Variants in SLC5A10 observed in about 807,000 individuals in gnomAD.
The protein encoded by SLC5A10 is solute carrier family 5 member 10, also known as sodium/mannose cotransporter SLC5A10.
Under a neutral mutation model 68.9 loss-of-function variants are expected in SLC5A10, and 55 were observed. The ratio of observed to expected loss-of-function variants is 0.80; its 90% CI spans 0.64 to 1.00. SLC5A10 has a LOEUF of 1.00. Among genes scored for constraint, SLC5A10 ranks in the 50% least tolerant of loss-of-function variants. The pLI, the probability that SLC5A10 is intolerant of heterozygous loss-of-function variation, is 0.00. For synonymous variants in SLC5A10, 344 were observed against 344.8 expected (o/e 1.00, Z 0.02); for missense variants, 732 against 819.3 (o/e 0.89, Z 1.30).
intron 9 of SLC5A10, among the ~76,000 whole-genome samples, chr17:18,984,680 C>T (rs1002459173): frequency 3.3e-5 from 5 of 152,268 alleles, no homozygotes; most frequent in Admixed American, 1.3e-4. Context: ...CTTGTCTGTC[C>T]TAAGCTGGAA....
chr17:18,994,586 G>A (rs1420361602), intron 9 of SLC5A10, among the ~76,000 whole-genome samples: 1 of 152,170 alleles, frequency 6.6e-6, no homozygotes, highest in Non-Finnish European at 1.5e-5. Flanking sequence ...ACCGGAAAGG[G>A]GTGGCTGGAA....
chr17:18,951,194 C>T (rs1042765532), upstream of SLC5A10, among the ~76,000 whole-genome samples: 3 of 152,334 alleles, frequency 2.0e-5, no homozygotes, highest in East Asian at 1.9e-4. Flanking sequence ...TGAGCAGAGG[C>T]GTGAGACTGC....
chr17:18,952,508 G>A lies in SLC5A10; in HGVS notation c.111+192G>A, dbSNP rs2042389255. ...TGACCAAGCCCGTTTCTCTCTTTGGGTAATGGCGTCTCCATCTGCAAAGTG... is the reference window on the plus strand; with the variant it reads ...TGACCAAGCCCGTTTCTCTCTTTGGATAATGGCGTCTCCATCTGCAAAGTG... On this transcript the variant is annotated intron_variant, in intron 1 of 14. Coordinates refer to ENST00000395645, the MANE Select transcript of SLC5A10 (RefSeq NM_001042450.4). The A allele has an allele frequency of 1.3e-5, 8 of 607,348 alleles. No homozygotes were observed. In the East Asian group the frequency reaches 2.5e-4, roughly 19 times the overall value. The allele number at this position is 607,348 out of a possible 1,614,324, so 37.6% of individuals were successfully genotyped here. A position where few individuals can be genotyped will look rare whatever the true frequency, so the allele number is the denominator to read the frequency against.
intron 9 of SLC5A10, among the ~76,000 whole-genome samples, chr17:18,981,521 G>A (rs1467927379): frequency 6.6e-6 from 1 of 152,154 alleles, no homozygotes; most frequent in African/African-American, 2.4e-5. Context: ...TGAATGCTAT[G>A]GGAGAGGAGG....
chr17:18,983,773 C>T (rs2152125056), intron 9 of SLC5A10, among the ~76,000 whole-genome samples: 1 of 152,242 alleles, frequency 6.6e-6, no homozygotes, highest in Admixed American at 6.5e-5. Flanking sequence ...GGTGGTGGGC[C>T]CTTTGTGAAC....
Position 19,015,162 on chromosome 17 carries a change from C to A in SLC5A10, c.1204C>A (p.Pro402Thr), listed in dbSNP as rs757870407. The A allele has an allele frequency of 3.3e-6, 5 of 1,499,002 alleles. No individual in the cohort carries two copies. Among genetic ancestry groups the A allele is most frequent in the African/African-American group, 2.8e-5 (2 of 71,204 alleles). The allele number at this position is 1,499,002 out of a possible 1,614,324, so 92.9% of individuals were successfully genotyped here. A position where few individuals can be genotyped will look rare whatever the true frequency, so the allele number is the denominator to read the frequency against. ...FTMDIWRRLR[P>T]RSGERELLLV... ...TATGGACATCTGGAGGCGGCTGCGT[C>A]CCCGCTCCGGCGAGCGGGAGCTCCT... is the stretch of plus-strand genomic sequence containing the variant. The change falls in exon 11 of 15, where the codon CCC (proline) becomes ACC (threonine). Residue 402 changes from proline to threonine, a missense_variant. Transcript: ENST00000395645.
intron 1 of SLC5A10, among the ~76,000 whole-genome samples, chr17:18,956,118 C>T (rs1025917450): frequency 2.0e-5 from 3 of 151,964 alleles, no homozygotes; most frequent in Non-Finnish European, 4.4e-5. Context: ...CGCTTGAACC[C>T]GGGAGGCAGA....
intron 9 of SLC5A10, chr17:18,977,666 G>A (rs1282918738): frequency 6.2e-7 from 1 of 1,610,354 alleles, no homozygotes; most frequent in South Asian, 1.1e-5. Flanking sequence ...CTGGGCCCAT[G>A]GGGAGCCACC....
rs115210901 is a variant in SLC5A10, at chr17:19,019,603, C to A, written c.1410+12C>A. 1 of 1,609,820 alleles carries A rather than the reference C, an allele frequency of 6.2e-7. No individual in the cohort carries two copies. Among genetic ancestry groups the A allele is most frequent in the East Asian group, 2.2e-5 (1 of 44,864 alleles). The stretch of plus-strand genomic sequence containing the variant: ...GTGCCAACGAGCAGGTGGGCGTCGG[C>A]GGTCTGCTCTCCCTGGGGACGTGCC... On this transcript the variant is annotated intron_variant, in intron 12 of 14. Transcript: ENST00000395645.
intron 9 of SLC5A10, among the ~76,000 whole-genome samples, chr17:19,012,626 G>A (rs1024411309): frequency 1.3e-5 from 2 of 152,226 alleles, no homozygotes; most frequent in Non-Finnish European, 2.9e-5. Flanking sequence ...GTCCTCAGGC[G>A]AGGCCTGGGG....
At position 19,017,236 on chromosome 17, in the gene SLC5A10, C is replaced by T. The variant is rs770202538; in HGVS notation, c.1241+2037C>T. ...CAGCTGGATAGAGCAGAAAGGGCCC[C>T]GTGCCAGGTGTCAGGCTGGCCAGCT... is the stretch of plus-strand genomic sequence containing the variant. On this transcript the variant is annotated intron_variant, in intron 11 of 14. Transcript: ENST00000395645. The surrounding 1 kb of genome is among the most constrained non-coding windows in gnomAD (Gnocchi z 5.6). 6.2e-5 allele frequency: 94 copies of T among 1,510,260 alleles called. No homozygotes were observed. In the South Asian group the frequency reaches 7.2e-4, roughly 12 times the overall value. 93.6% of individuals were successfully genotyped at this position (1,510,260 alleles called of 1,614,324 possible).
chr17:18,971,190 T>C lies in SLC5A10; in HGVS notation c.818T>C (p.Met273Thr). The change falls in exon 8 of 15, where the codon ATG becomes ACG. Residue 273 changes from methionine (M) to threonine (T), a missense_variant. Transcript: ENST00000395645. This position sits in a 1 kb window ranked among gnomAD's most constrained non-coding sequence, Gnocchi z 5.5. ...WTGMTFGLTI[M>T]ATWYWCTDQV... ...GGGATGACCTTTGGCCTGACCATCA[T>C]GGCCACCTGGTACTGGTGCACCGAC... The C allele has an allele frequency of 6.2e-7, 1 of 1,613,990 alleles. No homozygotes were observed. The highest frequency in any genetic ancestry group is 1.3e-5 in the African/African-American group (1 of 75,054).
chr17:19,004,149 G>A lies in SLC5A10; in HGVS notation c.983-9261G>A. ...GCTCGGGGGCCTCTCCGCGGCCTCT[G>A]CTTCTCTGCCCATGAGCAATCTGCG... On this transcript the variant is annotated intron_variant, in intron 9 of 14. Coordinates refer to ENST00000395645, the MANE Select transcript of SLC5A10 (RefSeq NM_001042450.4). The surrounding 1 kb of genome is among the most constrained non-coding windows in gnomAD (Gnocchi z 5.4). 1 of 1,114,328 alleles carries A rather than the reference G, an allele frequency of 9.0e-7. No individual in the cohort carries two copies. The highest frequency in any genetic ancestry group is 1.3e-6 in the Non-Finnish European group (1 of 789,500). 69.0% of individuals were successfully genotyped at this position (1,114,328 alleles called of 1,614,324 possible).
At chr17:19,001,474 G>A (rs1275056064) in intron 9 of SLC5A10, among the ~76,000 whole-genome samples, 1 of 152,184 alleles carries the variant, frequency 6.6e-6, no homozygotes, top group Non-Finnish European at 1.5e-5. Flanking sequence ...AGAAAGCAGG[G>A]CCCACCTGTC....
chr17:18,990,478 C>T lies in SLC5A10; in HGVS notation c.982+13489C>T, dbSNP rs1016206946. On this transcript the variant is annotated intron_variant, in intron 9 of 14. Coordinates refer to ENST00000395645, the MANE Select transcript of SLC5A10 (RefSeq NM_001042450.4). ...ACCCTGGAAAGGAGCCTAATGAGGGCGCAGTAGGCATGCTTCTCCCTGGAG... is the reference window on the plus strand; with the variant it reads ...ACCCTGGAAAGGAGCCTAATGAGGGTGCAGTAGGCATGCTTCTCCCTGGAG... Among the ~76,000 whole-genome samples the T allele has an allele frequency of 5.9e-5, 9 of 152,316 alleles. No individual in the cohort carries two copies. The South Asian group carries it at 8.3e-4, about 14-fold the overall frequency.
intron 9 of SLC5A10, among the ~76,000 whole-genome samples, chr17:19,007,597 G>T (rs1203065863): frequency 6.6e-6 from 1 of 152,064 alleles, no homozygotes; most frequent in Non-Finnish European, 1.5e-5. Context: ...TAGAATCATG[G>T]TCTTGCTATG....
chr17:19,005,650 C>A (rs181979951), intron 9 of SLC5A10, among the ~76,000 whole-genome samples: 1,588 of 152,040 alleles, frequency 0.01, 14 homozygotes, highest in Admixed American at 0.016. Context: ...CCCTCAAACC[C>A]CCCCCCTCCA....
chr17:18,994,683 G>A (rs976212112), intron 9 of SLC5A10, among the ~76,000 whole-genome samples: 6 of 152,146 alleles, frequency 3.9e-5, no homozygotes, highest in African/African-American at 1.4e-4. Flanking sequence ...GGTCCTGCAG[G>A]GGGTGTCCTC....
rs776158769 is a variant in SLC5A10 at position 18,971,199 on chromosome 17, G to C, written c.827G>C (p.Trp276Ser). The C allele has an allele frequency of 6.2e-7, 1 of 1,613,950 alleles. No homozygotes were observed. The highest frequency in any genetic ancestry group is 1.7e-5 in the Admixed American group (1 of 60,032). Reference protein sequence around the residue: ...MTFGLTIMATWYWCTDQVIVQ... With the variant: ...MTFGLTIMATSYWCTDQVIVQ... ...TTTGGCCTGACCATCATGGCCACCTGGTACTGGTGCACCGACCAGGTGAGT... is the reference window on the plus strand; with the variant it reads ...TTTGGCCTGACCATCATGGCCACCTCGTACTGGTGCACCGACCAGGTGAGT... The change falls in exon 8 of 15, where the codon TGG becomes TCG. Residue 276 changes from tryptophan (W) to serine (S), a missense_variant. Coordinates refer to ENST00000395645, the MANE Select transcript of SLC5A10 (RefSeq NM_001042450.4). The surrounding 1 kb of genome is among the most constrained non-coding windows in gnomAD (Gnocchi z 5.5).
Sources: allele counts gnomAD v4.1 joint callset (sites outside exome capture counted in the v4.1 genomes callset), GRCh38; gene constraint gnomAD v4.1.1; non-coding constraint Gnocchi (gnomAD v3.1); transcripts MANE v1.5; gene names NCBI Gene and HGNC (gene_info 2026-07-23, HGNC 2026-07-21).